PCYT1B: variants seen among roughly 807,000 people sequenced by gnomAD.
PCYT1B encodes the protein phosphate cytidylyltransferase 1B, choline, also known as choline-phosphate cytidylyltransferase B.
PCYT1B carries 10 observed loss-of-function variants against 26.4 expected under a neutral mutation model. That is an observed-to-expected ratio of 0.38 (90% CI 0.23 to 0.64). PCYT1B has a LOEUF of 0.64. Ranked by LOEUF, PCYT1B falls within the 30% of genes least tolerant of loss-of-function variation. The probability of loss-of-function intolerance (pLI) is 0.56; values close to 1 mark genes in which losing one functional copy is unlikely to be tolerated. For missense variants in PCYT1B, 161 were observed against 292.7 expected (o/e 0.55, Z 3.28); for synonymous variants, 131 against 108.4 (o/e 1.21, Z -1.29).
At chrX:24,650,454 G>A (rs1926741392), upstream of PCYT1B, among the ~76,000 whole-genome samples, 1 of 108,873 alleles carries the variant, frequency 9.2e-6, no homozygotes, top group Admixed American at 9.9e-5. Flanking sequence ...CAAGTATCTG[G>A]GACCACAGGT....
intron 2 of PCYT1B, among the ~76,000 whole-genome samples, chrX:24,611,281 TA>T (rs888264493): frequency 5.2e-4 from 57 of 109,841 alleles, no homozygotes; most frequent in African/African-American, 1.7e-3. Context: ...AATAAAGCTT[TA>T]AAAAAAAACA....
In PCYT1B at chrX:24,646,880, A is replaced by G. The variant is rs1408487148; in HGVS notation, c.117+109T>C. The stretch of plus-strand genomic sequence containing the variant: ...AGGATTAGGCGGTAGCGCTCTTCTC[A>G]TTTACATGAAAATCCTCTAAGCATC... On this transcript the variant is annotated intron_variant, in intron 1 of 7. Transcript: ENST00000379144. 3 of 603,168 alleles carry G rather than the reference A, an allele frequency of 5.0e-6. No individual in the cohort carries two copies. In the African/African-American group the frequency reaches 6.7e-5, roughly 13 times the overall value. 49.7% of individuals were successfully genotyped at this position (603,168 alleles called of 1,213,427 possible).
intron 1 of PCYT1B, among the ~76,000 whole-genome samples, chrX:24,662,746 C>T (rs1272134518): frequency 1.8e-5 from 2 of 111,989 alleles, no homozygotes; most frequent in Non-Finnish European, 3.8e-5. Flanking sequence ...CAGAAAAACA[C>T]TTAGTTGCAA....
At chrX:24,664,319 G>C (rs886650184) in intron 1 of PCYT1B, among the ~76,000 whole-genome samples, 1 of 111,332 alleles carries the variant, frequency 9.0e-6, no homozygotes, top group Non-Finnish European at 1.9e-5. Flanking sequence ...CTTACCTAAC[G>C]CATACAGGTT....
At chrX:24,612,733 A>G (rs1025411013) in intron 2 of PCYT1B, among the ~76,000 whole-genome samples, 6 of 112,479 alleles carry the variant, frequency 5.3e-5, no homozygotes, top group African/African-American at 1.9e-4. Flanking sequence ...GCAGTTTGGC[A>G]GTTGTTTAAA....
chrX:24,656,236 G>GGGC (rs1555966046), intron 1 of PCYT1B, among the ~76,000 whole-genome samples: 1 of 98,941 alleles, frequency 1.0e-5, no homozygotes, highest in Non-Finnish European at 2.0e-5. Flanking sequence ...TCGCGGGGGG[G>GGGC]GGTGGTAATC....
intron 1 of PCYT1B, among the ~76,000 whole-genome samples, chrX:24,660,592 C>T (rs780180365): frequency 1.9e-5 from 2 of 107,496 alleles, no homozygotes; most frequent in South Asian, 4.1e-4. Context: ...GCAAGAGAAT[C>T]GCTTGAACCC....
At chrX:24,661,055 A>G (rs1022650549) in intron 1 of PCYT1B, among the ~76,000 whole-genome samples, 15 of 111,990 alleles carry the variant, frequency 1.3e-4, no homozygotes, top group Non-Finnish European at 2.6e-4. Flanking sequence ...TATCCTTTTT[A>G]AAAAAAGATA....
exon 1 of PCYT1B, chrX:24,672,670 T>C: frequency 1.2e-6 from 1 of 831,391 alleles, no homozygotes; most frequent in Non-Finnish European, 1.8e-6. Flanking sequence ...TAGAGGCCTC[T>C]ACCCTTTGGA....
chrX:24,628,762 T>A (rs1925956194), intron 1 of PCYT1B, among the ~76,000 whole-genome samples: 1 of 112,009 alleles, frequency 8.9e-6, no homozygotes, highest in Non-Finnish European at 1.9e-5. Context: ...AAAAGAACCG[T>A]AATTTAAATA....
At chrX:24,626,259 C>T (rs182252852) in intron 1 of PCYT1B, among the ~76,000 whole-genome samples, 18 of 111,840 alleles carry the variant, frequency 1.6e-4, no homozygotes, top group Non-Finnish European at 2.6e-4. Flanking sequence ...TCACATTAGC[C>T]ACATTTCAGG....
chrX:24,670,019 G>A (rs1429639589), intron 1 of PCYT1B, among the ~76,000 whole-genome samples: 5 of 99,268 alleles, frequency 5.0e-5, no homozygotes, highest in African/African-American at 1.9e-4. Flanking sequence ...CTCGAGCCTG[G>A]GCAACAGAGT....
At chrX:24,654,217 G>C (rs1441765365) in intron 1 of PCYT1B, among the ~76,000 whole-genome samples, 1 of 98,414 alleles carries the variant, frequency 1.0e-5, no homozygotes, top group Non-Finnish European at 2.0e-5. Context: ...CAATTCTCCT[G>C]CCTCAGCCTC....
At chrX:24,591,389 T>A (rs1038480697) in intron 3 of PCYT1B, among the ~76,000 whole-genome samples, 6 of 110,487 alleles carry the variant, frequency 5.4e-5, no homozygotes, top group Non-Finnish European at 1.1e-4. Context: ...GCAATGAAAT[T>A]TTTTTTTCTT....
chrX:24,614,126 A>G (rs1158900944), intron 2 of PCYT1B, among the ~76,000 whole-genome samples: 2 of 111,501 alleles, frequency 1.8e-5, no homozygotes, highest in African/African-American at 3.2e-5. Flanking sequence ...GTGTATGTGC[A>G]CAGCTCCACA....
intron 3 of PCYT1B, among the ~76,000 whole-genome samples, chrX:24,601,756 T>C (rs1188378215): frequency 9.0e-6 from 1 of 111,554 alleles, no homozygotes; most frequent in Non-Finnish European, 1.9e-5. Flanking sequence ...TATACACCTA[T>C]TAGAATGACA....
intron 6 of PCYT1B, 89 bp downstream of exon 6, chrX:24,579,227 T>A: frequency 3.7e-6 from 3 of 811,232 alleles, no homozygotes; most frequent in Non-Finnish European, 5.4e-6. Context: ...GAACACTGCA[T>A]AGCACTTAGT....
chrX:24,645,358 ATGTATATATGTGTG>A (rs1326056112), intron 1 of PCYT1B, among the ~76,000 whole-genome samples: 1 of 109,821 alleles, frequency 9.1e-6, no homozygotes, highest in Non-Finnish European at 1.9e-5. Flanking sequence ...GTGTGTATAT[ATGTATATATGTGTG>A]TATATACATA....
chrX:24,587,190 C>A (rs1360949237), intron 5 of PCYT1B, 51 bp downstream of exon 5: 1 of 855,507 alleles, frequency 1.2e-6, no homozygotes, highest in Non-Finnish European at 1.7e-6. Flanking sequence ...TCTCTTATTG[C>A]ACCTGATTAT....
Sources: allele counts gnomAD v4.1 joint callset (sites outside exome capture counted in the v4.1 genomes callset), GRCh38; gene constraint gnomAD v4.1.1; transcripts MANE v1.5; gene names NCBI Gene and HGNC (gene_info 2026-07-23, HGNC 2026-07-21).